CUX2: variants seen among roughly 807,000 people sequenced by gnomAD.
CUX2 encodes homeobox protein cut-like 2.
CUX2 carries 40 observed loss-of-function variants against 144.8 expected under a neutral mutation model. That is an observed-to-expected ratio of 0.28 (90% CI 0.21 to 0.36). CUX2 has a LOEUF of 0.36. Among genes scored for constraint, CUX2 ranks in the 10% least tolerant of loss-of-function variants. The pLI is 1.00. For missense variants in CUX2, 1,615 were observed against 1,994.0 expected (o/e 0.81, Z 3.62); for synonymous variants, 827 against 875.6 (o/e 0.94, Z 0.98).
chr12:111,140,779 C>T (rs982596218), intron 1 of CUX2, among the ~76,000 whole-genome samples: 1 of 152,214 alleles, frequency 6.6e-6, no homozygotes, highest in Non-Finnish European at 1.5e-5. Context: ...GCTGTGTTAC[C>T]TTTGGCAGTT....
Position 111,099,617 on chromosome 12 carries a change from CT to C in CUX2, c.63+65378del, listed in dbSNP as rs774675233. ...CTCACATGGGAGAACAGGATTGGACCTGCAGGGATCCTGGCTGGGGTGAGAT... is the reference window on the plus strand; with the variant it reads ...CTCACATGGGAGAACAGGATTGGACCGCAGGGATCCTGGCTGGGGTGAGAT... On this transcript the variant is annotated intron_variant, in intron 1 of 21. Transcript: ENST00000261726. 4 of 456,714 alleles carry C rather than the reference CT, an allele frequency of 8.8e-6. No individual in the cohort carries two copies. In the East Asian group the frequency reaches 2.8e-4, roughly 32 times the overall value. The allele number at this position is 456,714 out of a possible 1,614,324, so 28.3% of individuals were successfully genotyped here. A position where few individuals can be genotyped will look rare whatever the true frequency, so the allele number is the denominator to read the frequency against.
chr12:111,077,365 C>G lies in CUX2; in HGVS notation c.63+43125C>G, dbSNP rs1465900740. ...TCCCAGACCCCGAGTGTCTTGAACC[C>G]TAGCCTCTGGGGACTGGCGCGGCCA... On this transcript the variant is annotated intron_variant, in intron 1 of 21. Transcript: ENST00000261726. This position sits in a 1 kb window ranked among gnomAD's most constrained non-coding sequence, Gnocchi z 4.1. 6.6e-6 allele frequency among the ~76,000 whole-genome samples: 1 copy of G among 152,144 alleles called. No homozygotes were observed. The highest frequency in any genetic ancestry group is 1.5e-5 in the Non-Finnish European group (1 of 68,028).
intron 1 of CUX2, among the ~76,000 whole-genome samples, chr12:111,135,890 A>G (rs962671000): frequency 1.3e-5 from 2 of 152,246 alleles, no homozygotes; most frequent in African/African-American, 2.4e-5. Flanking sequence ...GAAAGTAGAT[A>G]GAGGCAATGG....
In CUX2 at chr12:111,061,479, G is replaced by A. The variant is rs554339710; in HGVS notation, c.63+27239G>A. 7.4e-4 allele frequency among the ~76,000 whole-genome samples: 113 copies of A among 152,248 alleles called. No individual in the cohort carries two copies. The highest frequency in any genetic ancestry group is 2.6e-3 in the African/African-American group (107 of 41,546). On this transcript the variant is annotated intron_variant, in intron 1 of 21. Transcript: ENST00000261726. This position sits in a 1 kb window ranked among gnomAD's most constrained non-coding sequence, Gnocchi z 4.2. ...ATTTTGCATTATGGAAGACAAAGTCGCCCCATTATCGGAGGGCTTTACAAA... is the reference window on the plus strand; with the variant it reads ...ATTTTGCATTATGGAAGACAAAGTCACCCCATTATCGGAGGGCTTTACAAA...
At chr12:111,120,743 G>A (rs1395012740) in intron 1 of CUX2, among the ~76,000 whole-genome samples, 1 of 152,034 alleles carries the variant, frequency 6.6e-6, no homozygotes, top group Non-Finnish European at 1.5e-5. Flanking sequence ...GGCTGCTGGA[G>A]ATTAGCATAG....
At chr12:111,074,286 CCAGGTCTCTCGAAA>C (rs1758018997) in intron 1 of CUX2, among the ~76,000 whole-genome samples, 2 of 152,022 alleles carry the variant, frequency 1.3e-5, no homozygotes, top group South Asian at 4.1e-4. Flanking sequence ...TCGCCCCACC[CCAGGTCTCTCGAAA>C]CAGATTGCAA....
At chr12:111,134,692 A>G (rs781526036) in intron 1 of CUX2, among the ~76,000 whole-genome samples, 16 of 151,736 alleles carry the variant, frequency 1.1e-4, no homozygotes, top group South Asian at 6.2e-4. Context: ...ACCTAGAGCA[A>G]TGTAAGCTGA....
chr12:111,269,599 G>A (rs1441108376), intron 4 of CUX2, among the ~76,000 whole-genome samples: 1 of 152,158 alleles, frequency 6.6e-6, no homozygotes, highest in Non-Finnish European at 1.5e-5. Flanking sequence ...TGGGGGTACA[G>A]ACAGGCAGGA....
At chr12:111,210,263 C>T (rs913868774) in intron 1 of CUX2, among the ~76,000 whole-genome samples, 5 of 152,144 alleles carry the variant, frequency 3.3e-5, no homozygotes, top group Non-Finnish European at 7.3e-5. Flanking sequence ...ATGAAAGACC[C>T]GTGCCGATGC....
At chr12:111,101,200 C>T (rs1003344123) in intron 1 of CUX2, among the ~76,000 whole-genome samples, 31 of 152,138 alleles carry the variant, frequency 2.0e-4, no homozygotes, top group African/African-American at 6.5e-4. Context: ...TGGGTCAGTG[C>T]GGCCCGGGGG....
At chr12:111,236,509 A>G (rs1882755587) in intron 3 of CUX2, among the ~76,000 whole-genome samples, 1 of 152,148 alleles carries the variant, frequency 6.6e-6, no homozygotes, top group Non-Finnish European at 1.5e-5. Flanking sequence ...CACAGAGCAG[A>G]TCTGCTTGCA....
intron 1 of CUX2, among the ~76,000 whole-genome samples, chr12:111,158,019 A>G (rs1026575970): frequency 1.3e-5 from 2 of 152,202 alleles, no homozygotes; most frequent in South Asian, 2.1e-4. Flanking sequence ...AATTAAACCA[A>G]ATCCCTGGAG....
At chr12:111,217,013 C>G (rs908207988) in intron 2 of CUX2, among the ~76,000 whole-genome samples, 3 of 152,294 alleles carry the variant, frequency 2.0e-5, no homozygotes, top group African/African-American at 7.2e-5. Flanking sequence ...GGGAGTCACA[C>G]CAGCAGATCT....
intron 1 of CUX2, among the ~76,000 whole-genome samples, chr12:111,201,078 TGGCCGCCCCTCGTTTGAG>T (rs1291876093): frequency 1.3e-5 from 2 of 152,152 alleles, no homozygotes; most frequent in Non-Finnish European, 2.9e-5. Context: ...GTGACCACCC[TGGCCGCCCCTCGTTTGAG>T]GGCCTCCCCT....
At chr12:111,089,986 A>C (rs1001790392) in intron 1 of CUX2, among the ~76,000 whole-genome samples, 2 of 152,120 alleles carry the variant, frequency 1.3e-5, no homozygotes, top group African/African-American at 2.4e-5. Context: ...AGGTGGGCTT[A>C]ATGTGAGGAA....
chr12:111,239,051 G>GATAA (rs1349083508), intron 3 of CUX2, among the ~76,000 whole-genome samples: 1 of 152,046 alleles, frequency 6.6e-6, no homozygotes, highest in Non-Finnish European at 1.5e-5. Flanking sequence ...TCTCTAAATA[G>GATAA]ATAAATAAAT....
rs768403427 is a variant in CUX2, at chr12:111,341,943, G to A, written c.3549G>A (p.Leu1183=). 6.2e-7 allele frequency: 1 copy of A among 1,614,002 alleles called. No homozygotes were observed. The highest frequency in any genetic ancestry group is 1.7e-5 in the Admixed American group (1 of 59,994). ...VVLAPEEKEA[L]RKAYQLEPYP... ...TGGCACCCGAGGAGAAGGAGGCACT[G>A]CGGAAGGCCTATCAGCTGGAACCCT... Residue 1183 remains leucine (L), a synonymous_variant, in exon 21 of 22, where the codon CTG becomes CTA. Transcript: ENST00000261726.
intron 4 of CUX2, among the ~76,000 whole-genome samples, chr12:111,268,869 C>T (rs551573957): frequency 6.6e-6 from 1 of 152,206 alleles, no homozygotes; most frequent in Non-Finnish European, 1.5e-5. Context: ...TGACCCTGTA[C>T]AGACCCCAGA....
At chr12:111,076,805 G>C (rs1052809665) in intron 1 of CUX2, among the ~76,000 whole-genome samples, 2 of 152,142 alleles carry the variant, frequency 1.3e-5, no homozygotes, top group African/African-American at 4.8e-5. Flanking sequence ...TGGATTTCTT[G>C]CTTGCTTAGC....
Sources: allele counts gnomAD v4.1 joint callset (sites outside exome capture counted in the v4.1 genomes callset), GRCh38; gene constraint gnomAD v4.1.1; non-coding constraint Gnocchi (gnomAD v3.1); transcripts MANE v1.5; gene names NCBI Gene and HGNC (gene_info 2026-07-23, HGNC 2026-07-21).